USB1: variants seen among roughly 807,000 people sequenced by gnomAD.
The protein encoded by USB1 is U6 snRNA biogenesis phosphodiesterase 1, also known as U6 snRNA phosphodiesterase 1.
USB1 carries 21 observed loss-of-function variants against 29.9 expected under a neutral mutation model. That is an observed-to-expected ratio of 0.70 (90% CI 0.50 to 1.01). The LOEUF (loss-of-function observed/expected upper bound fraction) is 1.01, where lower values mean the gene tolerates loss of function less well. USB1 is among the 50% of genes least tolerant of loss of function. USB1 has a pLI of 0.00. For synonymous variants in USB1, 143 were observed against 134.9 expected (o/e 1.06, Z -0.42); for missense variants, 330 against 347.1 (o/e 0.95, Z 0.39).
At chr16:58,018,530 G>T (rs140857663) in intron 5 of USB1, among the ~76,000 whole-genome samples, 348 of 152,136 alleles carry the variant, frequency 2.3e-3, no homozygotes, top group Non-Finnish European at 3.8e-3. Flanking sequence ...GGCCAAGCGT[G>T]GTCGGTTTCT....
rs146995230 is a variant in USB1 at position 58,010,155 on chromosome 16, T to G, written c.449+43T>G. On this transcript the variant is annotated intron_variant, in intron 3 of 6. Transcript: ENST00000219281. Reference sequence around the variant, plus strand: ...CTGCCTCTCCACTCCCTCCCCTCCATGGCTTCTCCTCCTCTCCTGAGCTAC... The same window carrying G: ...CTGCCTCTCCACTCCCTCCCCTCCAGGGCTTCTCCTCCTCTCCTGAGCTAC... 4.0e-3 allele frequency: 6,423 copies of G among 1,611,230 alleles called. 88 individuals are homozygous for G. The highest frequency in any genetic ancestry group is 2.8e-3 in the Non-Finnish European group (3,291 of 1,178,048).
At chr16:58,012,528 C>T (rs912998338) in intron 3 of USB1, 42 of 1,300,066 alleles carry the variant, frequency 3.2e-5, no homozygotes, top group East Asian at 1.3e-4. Flanking sequence ...GTCACAATGA[C>T]GAAGCCACCG....
In USB1 at chr16:58,019,703, T is replaced by C. The variant is rs531677974; in HGVS notation, c.694-438T>C. ...AAGAGAAGCCAGAAACCTAGATTTT[T>C]ACATGTAATCTGTCAGTTTTCAAAT... is the stretch of plus-strand genomic sequence containing the variant. On this transcript the variant is annotated intron_variant, in intron 6 of 6. Transcript: ENST00000219281. Among the ~76,000 whole-genome samples, 17 of 152,294 alleles carry C rather than the reference T, an allele frequency of 1.1e-4. No homozygotes were observed. The South Asian group carries it at 3.3e-3, about 30-fold the overall frequency.
upstream of USB1, among the ~76,000 whole-genome samples, chr16:58,000,666 G>A (rs1284202010): frequency 1.3e-5 from 2 of 148,542 alleles, no homozygotes. The surrounding 1 kb of genome is among the most constrained non-coding windows in gnomAD (Gnocchi z 4.5). Context: ...GCCTTGCGGA[G>A]ACGGGCGGAC....
chr16:58,010,765 GGA>G (rs1963473602), intron 3 of USB1: 1 of 525,962 alleles, frequency 1.9e-6, no homozygotes, highest in South Asian at 2.3e-5. Context: ...GGTGAGGTCT[GGA>G]AGGGTCCCGA....
rs1304838013 is a variant in USB1, at chr16:58,013,269, G to A, written c.450-1004G>A. 2 of 985,326 alleles carry A rather than the reference G, an allele frequency of 2.0e-6. No homozygotes were observed. The highest frequency in any genetic ancestry group is 3.5e-5 in the African/African-American group (2 of 57,234). The allele number at this position is 985,326 out of a possible 1,614,324, so 61.0% of individuals were successfully genotyped here. A position where few individuals can be genotyped will look rare whatever the true frequency, so the allele number is the denominator to read the frequency against. Reference sequence around the variant, plus strand: ...AGACATCCAGTGTCCACTCCAGGATGTTTGGGAGACACCTTGAGAACTCTT... The same window carrying A: ...AGACATCCAGTGTCCACTCCAGGATATTTGGGAGACACCTTGAGAACTCTT... On this transcript the variant is annotated intron_variant, in intron 3 of 6. Coordinates refer to ENST00000219281, the MANE Select transcript of USB1 (RefSeq NM_024598.4). This position sits in a 1 kb window ranked among gnomAD's most constrained non-coding sequence, Gnocchi z 4.3.
chr16:58,001,723 TC>T, intron 1 of USB1, 142 bp downstream of exon 1: 2 of 1,027,150 alleles, frequency 1.9e-6, no homozygotes, highest in Non-Finnish European at 2.9e-6. Context: ...GAAAGGAGGA[TC>T]CAGAAGATAT....
At chr16:58,005,357 C>T (rs928118838) in intron 2 of USB1, among the ~76,000 whole-genome samples, 1 of 152,170 alleles carries the variant, frequency 6.6e-6, no homozygotes, top group Non-Finnish European at 1.5e-5. Context: ...TCCCTTGGCA[C>T]TGACGCTACC....
chr16:58,009,704 G>A (rs1280986241), intron 2 of USB1, among the ~76,000 whole-genome samples: 3 of 150,660 alleles, frequency 2.0e-5, no homozygotes, highest in Non-Finnish European at 3.0e-5. Flanking sequence ...CAGCCTGGGC[G>A]GCAGAGCAAG....
intron 2 of USB1, among the ~76,000 whole-genome samples, chr16:58,006,370 A>AC (rs1963357618): frequency 2.7e-5 from 4 of 145,474 alleles, no homozygotes; most frequent in Non-Finnish European, 6.0e-5. Flanking sequence ...AAAAAAAACA[A>AC]AAAAAAAAAA....
intron 5 of USB1, among the ~76,000 whole-genome samples, chr16:58,018,650 T>C (rs1963674145): frequency 6.6e-6 from 1 of 152,100 alleles, no homozygotes; most frequent in African/African-American, 2.4e-5. Flanking sequence ...TAAAGGGCAC[T>C]AATCATGAGG....
rs533875487 is a variant in USB1 at position 58,015,062 on chromosome 16, G to C, written c.503+736G>C. 11 of 151,998 alleles carry C rather than the reference G, an allele frequency of 7.2e-5. No homozygotes were observed. In the East Asian group the frequency reaches 2.1e-3, roughly 29 times the overall value. 9.4% of individuals were successfully genotyped at this position (151,998 alleles called of 1,614,324 possible). ...CACTGCACTCTATCCTGGGTGACAAGAGTGAAACTCTGTCTCAAAAATAAA... is the reference window on the plus strand; with the variant it reads ...CACTGCACTCTATCCTGGGTGACAACAGTGAAACTCTGTCTCAAAAATAAA... On this transcript the variant is annotated intron_variant, in intron 4 of 6. Transcript: ENST00000219281.
At chr16:58,005,976 A>G (rs534914667) in intron 2 of USB1, among the ~76,000 whole-genome samples, 81 of 151,454 alleles carry the variant, frequency 5.3e-4, no homozygotes, top group African/African-American at 1.6e-3. Context: ...GTACACTGCA[A>G]CCTTGCTATA....
At position 58,013,903 on chromosome 16, in the gene USB1, T is replaced by A. The variant is rs563706912; in HGVS notation, c.450-370T>A. ...TAGATGAAATCGGAGTCATCTATTTTAAAAAACTGCAAGAAATGAATCAGC... is the reference window on the plus strand; with the variant it reads ...TAGATGAAATCGGAGTCATCTATTTAAAAAAACTGCAAGAAATGAATCAGC... On this transcript the variant is annotated intron_variant, in intron 3 of 6. Coordinates refer to ENST00000219281, the MANE Select transcript of USB1 (RefSeq NM_024598.4). The surrounding 1 kb of genome is among the most constrained non-coding windows in gnomAD (Gnocchi z 4.3). 8.1e-6 allele frequency: 2 copies of A among 248,094 alleles called. No individual in the cohort carries two copies. The highest frequency in any genetic ancestry group is 2.3e-5 in the African/African-American group (1 of 44,204). 15.4% of individuals were successfully genotyped at this position (248,094 alleles called of 1,614,324 possible). A position where few individuals can be genotyped will look rare whatever the true frequency, so the allele number is the denominator to read the frequency against.
rs1480572737 is a variant in USB1, at chr16:58,020,188, C to T, written c.741C>T (p.His247=). ...FEDAEVLLRV[H]TEQVRCKSGN... is the part of the protein sequence containing the mutation. Reference sequence around the variant, plus strand: ...ATGCTGAGGTGCTGCTGCGCGTGCACACTGAGCAAGTCCGCTGCAAGTCTG... The same window carrying T: ...ATGCTGAGGTGCTGCTGCGCGTGCATACTGAGCAAGTCCGCTGCAAGTCTG... Residue 247 remains histidine (H), a synonymous_variant, in exon 7 of 7, where the codon CAC becomes CAT. Coordinates refer to ENST00000219281, the MANE Select transcript of USB1 (RefSeq NM_024598.4). 6.2e-7 allele frequency: 1 copy of T among 1,614,054 alleles called. No individual in the cohort carries two copies. The highest frequency in any genetic ancestry group is 8.5e-7 in the Non-Finnish European group (1 of 1,180,040).
Position 58,013,704 on chromosome 16 carries a change from T to A in USB1, c.450-569T>A. 1 of 847,566 alleles carries A rather than the reference T, an allele frequency of 1.2e-6. No individual in the cohort carries two copies. Among genetic ancestry groups the A allele is most frequent in the Non-Finnish European group, 1.4e-6 (1 of 702,352 alleles). The allele number at this position is 847,566 out of a possible 1,614,324, so 52.5% of individuals were successfully genotyped here. On this transcript the variant is annotated intron_variant, in intron 3 of 6. Transcript: ENST00000219281. This position sits in a 1 kb window ranked among gnomAD's most constrained non-coding sequence, Gnocchi z 4.3. ...ACAAGGACTCTGGAAACAGGCAGAC[T>A]GACTGTTCCAATCCTGGCTCACCAA... is the stretch of plus-strand genomic sequence containing the variant.
intron 2 of USB1, among the ~76,000 whole-genome samples, chr16:58,005,039 C>T (rs891926098): frequency 2.0e-5 from 3 of 151,180 alleles, no homozygotes; most frequent in African/African-American, 7.3e-5. Context: ...GCAGCTGAGG[C>T]AGAGAGAGAG....
intron 3 of USB1, chr16:58,011,380 C>T: frequency 1.6e-6 from 2 of 1,215,266 alleles, no homozygotes; most frequent in Non-Finnish European, 2.1e-6. Context: ...TTTTGTCTGC[C>T]AGCCTGGGGC....
intron 3 of USB1, 154 bp downstream of exon 3, chr16:58,010,266 C>T (rs1017820738): frequency 7.8e-6 from 7 of 896,210 alleles, no homozygotes; most frequent in African/African-American, 6.6e-5. Context: ...TCTCATCCTC[C>T]GTGACCTTGG....
Sources: gnomAD v4.1 joint callset for allele counts (sites outside exome capture counted in the v4.1 genomes callset) on GRCh38, gnomAD v4.1.1 for gene constraint, Gnocchi (gnomAD v3.1) non-coding constraint, MANE v1.5 for transcripts, NCBI Gene and HGNC (gene_info 2026-07-23, HGNC 2026-07-21) for gene names.